The following ABR variants were observed in gnomAD, a reference collection of about 807,000 sequenced individuals.
ABR encodes the protein active breakpoint cluster region-related protein.
Under a neutral mutation model 107.2 loss-of-function variants are expected in ABR, and 35 were observed. That is an observed-to-expected ratio of 0.33 (90% CI 0.25 to 0.43). ABR has a LOEUF of 0.43. ABR is among the 20% of genes least tolerant of loss of function. The pLI, the probability that ABR is intolerant of heterozygous loss-of-function variation, is 1.00. For synonymous variants in ABR, 498 were observed against 462.0 expected (o/e 1.08, Z -1.00); for missense variants, 815 against 1,115.2 (o/e 0.73, Z 3.83).
chr17:1,025,640 CAG>C (rs1366805805), intron 16 of ABR, among the ~76,000 whole-genome samples: 3 of 152,210 alleles, frequency 2.0e-5, no homozygotes, highest in Non-Finnish European at 4.4e-5. Context: ...GCACTGCCCC[CAG>C]GTTTTTTATG....
chr17:1,225,322 T>C (rs554189345), intron 1 of ABR, among the ~76,000 whole-genome samples: 1 of 151,884 alleles, frequency 6.6e-6, no homozygotes, highest in South Asian at 2.1e-4. Flanking sequence ...AACCAAACCA[T>C]CTGCGATCCA....
chr17:1,220,284 C>T (rs989622787), intron 1 of ABR, among the ~76,000 whole-genome samples: 4 of 136,544 alleles, frequency 2.9e-5, no homozygotes, highest in African/African-American at 1.2e-4. Context: ...GAGCGAGACT[C>T]CGTCTAAAAA....
intron 1 of ABR, among the ~76,000 whole-genome samples, chr17:1,134,910 G>A (rs370753023): frequency 5.9e-5 from 9 of 152,370 alleles, no homozygotes; most frequent in South Asian, 2.1e-4. Context: ...CGTGTGAAAC[G>A]GGGGACGACA....
chr17:1,216,579 T>C (rs9890233), intron 1 of ABR, among the ~76,000 whole-genome samples: 146,293 of 152,320 alleles, frequency 0.96, 70,535 homozygotes, highest in East Asian at 1. Flanking sequence ...GAAATCCAGA[T>C]TGCTAGGTAA....
chr17:1,144,528 G>A (rs2040448746), intron 1 of ABR, among the ~76,000 whole-genome samples: 1 of 150,784 alleles, frequency 6.6e-6, no homozygotes, highest in African/African-American at 2.4e-5. Context: ...CCTGTGGAGT[G>A]ACAAGAGATA....
At chr17:1,082,469 T>C (rs1303154784) in intron 5 of ABR, among the ~76,000 whole-genome samples, 1 of 150,844 alleles carries the variant, frequency 6.6e-6, no homozygotes, top group Non-Finnish European at 1.5e-5. Context: ...GAAGCACGTG[T>C]GCTCCCGGCC....
intron 6 of ABR, among the ~76,000 whole-genome samples, chr17:1,077,999 G>T (rs3786066): frequency 2.6e-5 from 4 of 151,732 alleles, no homozygotes; most frequent in Admixed American, 1.3e-4. Context: ...TCCTACGACC[G>T]ACAGTCGTGT....
At chr17:1,097,365 C>A (rs906425654) in intron 3 of ABR, among the ~76,000 whole-genome samples, 1 of 151,950 alleles carries the variant, frequency 6.6e-6, no homozygotes, top group African/African-American at 2.4e-5. Flanking sequence ...CCGAGGCGGG[C>A]GGATCACTTG....
At chr17:1,048,688 C>T (rs1434491826) in intron 16 of ABR, among the ~76,000 whole-genome samples, 7 of 143,218 alleles carry the variant, frequency 4.9e-5, no homozygotes, top group Non-Finnish European at 7.5e-5. Flanking sequence ...GGATCACCTC[C>T]GGGGCCACGG....
rs1222531281 is a variant in ABR at position 1,005,208 on chromosome 17, T to C, written c.*872A>G. On this transcript the variant is annotated 3_prime_UTR_variant, in exon 23 of 23. Transcript: ENST00000302538. ...CTCGATAGCAGGTCACCTGTGAGTC[T>C]TTACACTCAAAGGAAATAGAACAGC... The C allele has an allele frequency of 2.5e-6, 1 of 398,554 alleles. No homozygotes were observed. The highest frequency in any genetic ancestry group is 2.1e-5 in the African/African-American group (1 of 48,610). 24.7% of individuals were successfully genotyped at this position (398,554 alleles called of 1,614,324 possible).
rs534999889 is a variant in ABR at position 1,224,189 on chromosome 17, C to T, written c.838+4604G>A. Among the ~76,000 whole-genome samples, 6 of 152,202 alleles carry T rather than the reference C, an allele frequency of 3.9e-5. No homozygotes were observed. In the South Asian group the frequency reaches 1.2e-3, roughly 32 times the overall value. ...CACGCACCACCCAACACAGCTGATC[C>T]TGGCTCTGCCCGTCCCCTCACTCCT... On this transcript the variant is annotated intron_variant, in intron 1 of 22. Transcript: ENST00000574139.
At chr17:1,139,710 C>T (rs1258481504) in intron 1 of ABR, among the ~76,000 whole-genome samples, 1 of 152,150 alleles carries the variant, frequency 6.6e-6, no homozygotes, top group Admixed American at 6.6e-5. Flanking sequence ...CAAGATTTCA[C>T]GGCAGTCAGG....
chr17:1,029,757 C>T (rs1444149448), intron 16 of ABR, among the ~76,000 whole-genome samples: 1 of 152,190 alleles, frequency 6.6e-6, no homozygotes, highest in Non-Finnish European at 1.5e-5. Context: ...CGCTGGCCTG[C>T]GCACAGTGAG....
chr17:1,205,415 C>G (rs572345446), intron 1 of ABR, among the ~76,000 whole-genome samples: 15 of 152,288 alleles, frequency 9.8e-5, no homozygotes, highest in African/African-American at 2.9e-4. Context: ...ACAGCCTGTT[C>G]TGTAGGCTCC....
chr17:1,146,868 C>G (rs989251359), intron 1 of ABR, among the ~76,000 whole-genome samples: 13 of 146,846 alleles, frequency 8.9e-5, no homozygotes, highest in African/African-American at 3.3e-4. Flanking sequence ...ACCACTGCCA[C>G]CATTGCTACA....
rs188905684 is a variant in ABR, at chr17:1,044,298, C to T, written c.1791+5752G>A. Among the ~76,000 whole-genome samples the T allele has an allele frequency of 3.8e-3, 574 of 152,296 alleles. 3 individuals are homozygous for T. Among genetic ancestry groups the T allele is most frequent in the African/African-American group, 0.012 (515 of 41,558 alleles). ...CTGTGACCGCGGCTGCCTCGCTCAC[C>T]CTTGCTGGTGTCCATTTCCTTCTCT... On this transcript the variant is annotated intron_variant, in intron 16 of 22. Transcript: ENST00000302538.
intron 16 of ABR, among the ~76,000 whole-genome samples, chr17:1,018,772 G>A (rs1052683223): frequency 2.0e-5 from 3 of 152,136 alleles, no homozygotes; most frequent in South Asian, 4.1e-4. Flanking sequence ...GACTTATCTC[G>A]AGCTCTTCCT....
intron 1 of ABR, among the ~76,000 whole-genome samples, chr17:1,199,730 G>C (rs2042637689): frequency 6.6e-6 from 1 of 152,122 alleles, no homozygotes; most frequent in Non-Finnish European, 1.5e-5. Flanking sequence ...TGGGATTACA[G>C]GTGTGAGCCA....
Position 1,070,210 on chromosome 17 carries a change from T to A in ABR, c.895-120A>T. 2 of 1,358,128 alleles carry A rather than the reference T, an allele frequency of 1.5e-6. No individual in the cohort carries two copies. The highest frequency in any genetic ancestry group is 2.0e-6 in the Non-Finnish European group (2 of 992,942). The allele number at this position is 1,358,128 out of a possible 1,614,324, so 84.1% of individuals were successfully genotyped here. A position where few individuals can be genotyped will look rare whatever the true frequency, so the allele number is the denominator to read the frequency against. ...GACCGAGAGGCGGCATAGCCTGTCATCCCTTAACCAAAGGTGGTTCAAGCA... is the reference window on the plus strand; with the variant it reads ...GACCGAGAGGCGGCATAGCCTGTCAACCCTTAACCAAAGGTGGTTCAAGCA... On this transcript the variant is annotated intron_variant, in intron 8 of 22. Coordinates refer to ENST00000302538, the MANE Select transcript of ABR (RefSeq NM_021962.5). The surrounding 1 kb of genome is among the most constrained non-coding windows in gnomAD (Gnocchi z 4.2).
Sources: gnomAD v4.1 joint callset for allele counts (sites outside exome capture counted in the v4.1 genomes callset) on GRCh38, gnomAD v4.1.1 for gene constraint, Gnocchi (gnomAD v3.1) non-coding constraint, MANE v1.5 for transcripts, NCBI Gene and HGNC (gene_info 2026-07-23, HGNC 2026-07-21) for gene names.